The following TRPS1 variants were observed in gnomAD, a reference collection of about 807,000 sequenced individuals.
The protein encoded by TRPS1 is zinc finger transcription factor Trps1.
Under a neutral mutation model 101.2 loss-of-function variants are expected in TRPS1, and 6 were observed. That is an observed-to-expected ratio of 0.06 (90% confidence interval 0.03 to 0.12). TRPS1 has a LOEUF of 0.12. Among genes scored for constraint, TRPS1 ranks in the 10% least tolerant of loss-of-function variants. TRPS1 has a pLI of 1.00. For missense variants in TRPS1, 1,363 were observed against 1,567.0 expected (o/e 0.87, Z 2.20); for synonymous variants, 578 against 589.8 (o/e 0.98, Z 0.29).
intron 5 of TRPS1, among the ~76,000 whole-genome samples, chr8:115,444,781 C>T (rs1813691678): frequency 6.6e-6 from 1 of 152,166 alleles, no homozygotes; most frequent in African/African-American, 2.4e-5. Flanking sequence ...TTCAGTGTGA[C>T]TCCACCATCC....
At chr8:115,634,932 C>T (rs926210286) in intron 1 of TRPS1, among the ~76,000 whole-genome samples, 1 of 151,630 alleles carries the variant, frequency 6.6e-6, no homozygotes, top group East Asian at 1.9e-4. Flanking sequence ...AATATCCTGC[C>T]CTGGTTTACT....
At chr8:115,568,497 T>G (rs1160333) in intron 5 of TRPS1, among the ~76,000 whole-genome samples, 105,051 of 151,886 alleles carry the variant, frequency 0.69, 37,744 homozygotes, top group African/African-American at 0.89. Context: ...CTATAAAAAA[T>G]TATCAACAAA....
intron 1 of TRPS1, among the ~76,000 whole-genome samples, chr8:115,639,775 G>A (rs925393908): frequency 2.0e-5 from 3 of 152,182 alleles, no homozygotes; most frequent in African/African-American, 7.2e-5. Flanking sequence ...GTCGCAGTGA[G>A]CTGAGATCGT....
At chr8:115,489,188 T>C (rs1179848636) in intron 5 of TRPS1, among the ~76,000 whole-genome samples, 1 of 152,160 alleles carries the variant, frequency 6.6e-6, no homozygotes, top group African/African-American at 2.4e-5. Context: ...AAACATACAC[T>C]ATATGAGACA....
Position 115,408,510 on chromosome 8 carries a change from TA to T in TRPS1, c.*5512del, listed in dbSNP as rs1187334897. 1 of 147,572 alleles carries T rather than the reference TA, an allele frequency of 6.8e-6. No individual in the cohort carries two copies. Among genetic ancestry groups the T allele is most frequent in the East Asian group, 2.1e-4 (1 of 4,826 alleles). The allele number at this position is 147,572 out of a possible 1,614,324, so 9.1% of individuals were successfully genotyped here. A position where few individuals can be genotyped will look rare whatever the true frequency, so the allele number is the denominator to read the frequency against. On this transcript the variant is annotated 3_prime_UTR_variant, in exon 7 of 7. Transcript: ENST00000395715. The stretch of plus-strand genomic sequence containing the variant: ...CAACGCCGTTATGTGTAACTGGTGG[TA>T]AAACTTTATTATTCAAGTTTAGATG...
chr8:115,595,743 G>C (rs1817770355), intron 4 of TRPS1, among the ~76,000 whole-genome samples: 1 of 151,872 alleles, frequency 6.6e-6, no homozygotes, highest in African/African-American at 2.4e-5. Context: ...TGAAACTGTG[G>C]CTAAAATGTA....
intron 5 of TRPS1, among the ~76,000 whole-genome samples, chr8:115,452,278 GT>G (rs2129932124): frequency 6.6e-6 from 1 of 152,250 alleles, no homozygotes; most frequent in South Asian, 2.1e-4. Context: ...TTATGACAAT[GT>G]TTATAACTTT....
At chr8:115,432,245 C>T (rs946686819) in intron 5 of TRPS1, among the ~76,000 whole-genome samples, 15 of 151,446 alleles carry the variant, frequency 9.9e-5, no homozygotes, top group East Asian at 1.9e-4. Flanking sequence ...TAGGATTAAA[C>T]GAAGAATTTA....
intron 5 of TRPS1, among the ~76,000 whole-genome samples, chr8:115,423,413 A>G (rs1409349732): frequency 6.6e-6 from 1 of 152,156 alleles, no homozygotes; most frequent in East Asian, 1.9e-4. Flanking sequence ...TGAGCACTTG[A>G]TCCCTTTCGG....
intron 5 of TRPS1, among the ~76,000 whole-genome samples, chr8:115,585,101 C>A (rs1817534892): frequency 1.3e-5 from 2 of 152,086 alleles, no homozygotes; most frequent in South Asian, 4.1e-4. Flanking sequence ...TGGAATTTGG[C>A]TATTATTGTA....
chr8:115,631,634 CATGGATGG>C (rs57368306), intron 1 of TRPS1, among the ~76,000 whole-genome samples: 71,289 of 149,238 alleles, frequency 0.48, 19,481 homozygotes, highest in East Asian at 0.82. Flanking sequence ...TTATTAGATG[CATGGATGG>C]ATGGATGGAT....
In TRPS1 at chr8:115,570,365, G is replaced by A. The variant is rs1007282547; in HGVS notation, c.2700+16636C>T. Among the ~76,000 whole-genome samples the A allele has an allele frequency of 2.6e-5, 4 of 151,854 alleles. No homozygotes were observed. In the East Asian group the frequency reaches 5.8e-4, roughly 22 times the overall value. ...GGTAGAAAATTTACACAGGCGGTAC[G>A]GCAGTCTCATACAGCAAATAAAATA... On this transcript the variant is annotated intron_variant, in intron 5 of 6. Coordinates refer to ENST00000395715, the MANE Select transcript of TRPS1 (RefSeq NM_014112.5).
intron 5 of TRPS1, among the ~76,000 whole-genome samples, chr8:115,458,528 A>G (rs1220180039): frequency 6.6e-6 from 1 of 152,164 alleles, no homozygotes; most frequent in Non-Finnish European, 1.5e-5. Flanking sequence ...CATCCTACTG[A>G]TGGCCCTTTT....
chr8:115,529,186 T>C (rs1816071921), intron 5 of TRPS1, among the ~76,000 whole-genome samples: 1 of 152,002 alleles, frequency 6.6e-6, no homozygotes, highest in African/African-American at 2.4e-5. Flanking sequence ...TGAGAAGGAA[T>C]AAAATACAGC....
At chr8:115,639,664 A>AC (rs1818850915) in intron 1 of TRPS1, among the ~76,000 whole-genome samples, 1 of 104,194 alleles carries the variant, frequency 9.6e-6, no homozygotes, top group South Asian at 2.9e-4. Flanking sequence ...CCCAATCTCT[A>AC]CAAAAAAAAA....
At chr8:115,521,687 A>G (rs1197091148) in intron 5 of TRPS1, among the ~76,000 whole-genome samples, 1 of 151,942 alleles carries the variant, frequency 6.6e-6, no homozygotes, top group Non-Finnish European at 1.5e-5. Context: ...CCTGTATTTA[A>G]AAAATTTAAA....
chr8:115,509,477 A>G (rs1815527438), intron 5 of TRPS1: 1 of 152,002 alleles, frequency 6.6e-6, no homozygotes, highest in South Asian at 2.1e-4. Context: ...GAAATATGTT[A>G]GTTTAGGCCA....
rs976264500 is a variant in TRPS1 at position 115,622,541 on chromosome 8, T to C, written c.37+1060A>G. Among the ~76,000 whole-genome samples the C allele has an allele frequency of 2.6e-5, 4 of 152,178 alleles. No individual in the cohort carries two copies. The East Asian group carries it at 5.8e-4, about 22-fold the overall frequency. ...TTGTGAAGGTTTGATACAACTTCTC[T>C]TACCTTTCCCTCCAGAATTTCCTGA... is the stretch of plus-strand genomic sequence containing the variant. On this transcript the variant is annotated intron_variant, in intron 2 of 6. Coordinates refer to ENST00000395715, the MANE Select transcript of TRPS1 (RefSeq NM_014112.5).
rs959030447 is a variant in TRPS1, at chr8:115,518,968, C to G, written c.2700+68033G>C. 2.6e-5 allele frequency among the ~76,000 whole-genome samples: 4 copies of G among 151,790 alleles called. No homozygotes were observed. The South Asian group carries it at 8.3e-4, about 31-fold the overall frequency. ...CTCATGTGCTACTATGCAACACTTT[C>G]CTATGCATTTTCCTAAAGGGTAGGG... On this transcript the variant is annotated intron_variant, in intron 5 of 6. Transcript: ENST00000395715.
Sources: allele counts gnomAD v4.1 joint callset (sites outside exome capture counted in the v4.1 genomes callset), GRCh38; gene constraint gnomAD v4.1.1; transcripts MANE v1.5; gene names NCBI Gene and HGNC (gene_info 2026-07-23, HGNC 2026-07-21).